Variants in BLNK observed in about 807,000 individuals in gnomAD.
The protein encoded by BLNK is B cell linker, also known as B-cell linker protein.
Under a neutral mutation model 73.5 loss-of-function variants are expected in BLNK, and 29 were observed. The ratio of observed to expected loss-of-function variants is 0.39; its 90% CI spans 0.29 to 0.54. The LOEUF (loss-of-function observed/expected upper bound fraction) is 0.54, where lower values mean the gene tolerates loss of function less well. Among genes scored for constraint, BLNK ranks in the 20% least tolerant of loss-of-function variants. The pLI is 0.61. For missense variants in BLNK, 460 were observed against 562.8 expected (o/e 0.82, Z 1.85); for synonymous variants, 176 against 200.8 (o/e 0.88, Z 1.04).
rs2083298251 is a variant in BLNK, at chr10:96,189,687, CTCA to C, written c.*2283_*2285del. ...TCAATGGTGCTTTTTCTTCAGTTTC[CTCA>C]TCATCAAAATCATCATCATCATCAT... is the stretch of plus-strand genomic sequence containing the variant. On this transcript the variant is annotated 3_prime_UTR_variant, in exon 17 of 17. Coordinates refer to ENST00000224337, the MANE Select transcript of BLNK (RefSeq NM_013314.4). 1.4e-6 allele frequency: 1 copy of C among 713,176 alleles called. No homozygotes were observed. Among genetic ancestry groups the C allele is most frequent in the Non-Finnish European group, 2.6e-6 (1 of 388,882 alleles). 44.2% of individuals were successfully genotyped at this position (713,176 alleles called of 1,614,324 possible).
intron 12 of BLNK, 99 bp downstream of exon 12, chr10:96,204,433 C>T: frequency 7.6e-7 from 1 of 1,309,110 alleles, no homozygotes; most frequent in Admixed American, 1.7e-5. Context: ...GGATTTTTAC[C>T]TAGCACTGCA....
At chr10:96,230,763 T>A in intron 4 of BLNK, 31 bp downstream of exon 4, 1 of 1,600,528 alleles carries the variant, frequency 6.2e-7, no homozygotes, top group East Asian at 2.2e-5. Flanking sequence ...GGGACCCTGA[T>A]GCCCTCCTGG....
At chr10:96,254,731 G>A (rs573428882) in intron 1 of BLNK, among the ~76,000 whole-genome samples, 2 of 151,964 alleles carry the variant, frequency 1.3e-5, no homozygotes, top group East Asian at 1.9e-4. Context: ...GGCTGGTCTC[G>A]AACTTCTGAC....
intron 16 of BLNK, among the ~76,000 whole-genome samples, chr10:96,194,741 A>C (rs951008645): frequency 2.6e-5 from 4 of 151,498 alleles, no homozygotes; most frequent in African/African-American, 9.7e-5. Context: ...AAAATGTTCA[A>C]CATCACTAAT....
At chr10:96,220,205 A>G (rs2084163652) in intron 6 of BLNK, among the ~76,000 whole-genome samples, 2 of 152,060 alleles carry the variant, frequency 1.3e-5, no homozygotes, top group South Asian at 4.2e-4. Flanking sequence ...TGCAAGAGAG[A>G]GAGAGATGCT....
intron 1 of BLNK, among the ~76,000 whole-genome samples, chr10:96,256,577 T>C (rs546439317): frequency 1.3e-5 from 2 of 151,748 alleles, no homozygotes; most frequent in Non-Finnish European, 2.9e-5. Context: ...AATTGAAAAC[T>C]GACAATAAGA....
chr10:96,210,206 G>T (rs782152424), intron 8 of BLNK: 10 of 423,586 alleles, frequency 2.4e-5, no homozygotes, highest in African/African-American at 4.1e-5. Flanking sequence ...CAAGTCCTGA[G>T]CCCACTGATT....
rs17111469 is a variant in BLNK, at chr10:96,227,501, C to T, written c.270G>A (p.Glu90=). The T allele has an allele frequency of 6.2e-4, 993 of 1,614,240 alleles. 4 individuals are homozygous for T. The African/African-American group carries it at 0.012, about 19-fold the overall frequency. The change falls in exon 5 of 17, where the codon GAG becomes GAA. Residue 90 remains glutamate (E), a synonymous_variant. Transcript: ENST00000224337. ...DSEMYVMPAE[E]NADDSYEPPP... ...GCGGCTCGTAGCTGTCATCAGCGTTCTCCTCGGCGGGCATCACGTACATCT... is the reference window on the plus strand; with the variant it reads ...GCGGCTCGTAGCTGTCATCAGCGTTTTCCTCGGCGGGCATCACGTACATCT...
intron 3 of BLNK, among the ~76,000 whole-genome samples, chr10:96,232,130 C>T (rs1554904122): frequency 6.6e-6 from 1 of 152,192 alleles, no homozygotes; most frequent in African/African-American, 2.4e-5. Context: ...ATTCACTCTG[C>T]TGTGTAGGAA....
intron 6 of BLNK, among the ~76,000 whole-genome samples, chr10:96,222,864 C>G (rs1294822368): frequency 1.3e-5 from 2 of 152,152 alleles, no homozygotes; most frequent in Non-Finnish European, 2.9e-5. Flanking sequence ...AATAGCTAGT[C>G]AGGCATGAGC....
intron 1 of BLNK, among the ~76,000 whole-genome samples, chr10:96,253,751 C>T (rs1375003279): frequency 2.6e-5 from 4 of 151,996 alleles, no homozygotes; most frequent in Non-Finnish European, 5.9e-5. Flanking sequence ...TGCGATGGCT[C>T]ACGCCTGTAA....
intron 5 of BLNK, 106 bp downstream of exon 5, chr10:96,227,304 A>G: frequency 6.9e-7 from 1 of 1,455,268 alleles, no homozygotes; most frequent in Admixed American, 2.0e-5. Flanking sequence ...CGGCTGGCAG[A>G]GGCCCTCAAG....
intron 6 of BLNK, among the ~76,000 whole-genome samples, chr10:96,217,513 A>C (rs2134004405): frequency 6.6e-6 from 1 of 152,306 alleles, no homozygotes; most frequent in Middle Eastern, 3.4e-3. Context: ...GTGTGTGCAA[A>C]ATGATATCTC....
In BLNK at chr10:96,216,664, G is replaced by C. The variant is rs781980711; in HGVS notation, c.596C>G (p.Pro199Arg). The C allele has an allele frequency of 1.1e-5, 17 of 1,613,850 alleles. No homozygotes were observed. The Admixed American group carries it at 1.7e-4, about 16-fold the overall frequency. Residue 199 changes from proline to arginine, a missense_variant, in exon 7 of 17, where the codon CCA (proline) becomes CGA (arginine). By Grantham distance (103) the Pro-to-Arg change is moderately radical. This residue lies in a region of BLNK where 233 missense variants were observed against 232.1 expected (regional missense o/e 1.00). Transcript: ENST00000224337. ...YIHPTESSSP[P>R]PEKAPMVNRS... is the part of the protein sequence containing the mutation. ...CGACAAACTCTTACCTTTTTCAGGT[G>C]GAGGTGAACTGCTTTCTGTGGGATG...
At chr10:96,217,223 G>C (rs1303241998) in intron 6 of BLNK, among the ~76,000 whole-genome samples, 2 of 152,172 alleles carry the variant, frequency 1.3e-5, no homozygotes, top group Admixed American at 1.3e-4. Flanking sequence ...TCAGCTGATG[G>C]ACATTTGAGT....
intron 13 of BLNK, chr10:96,203,599 T>A (rs2133961592): frequency 6.5e-6 from 1 of 153,146 alleles, no homozygotes; most frequent in Admixed American, 6.5e-5. Flanking sequence ...GGAAAAATTA[T>A]CCAGATATTT....
chr10:96,263,630 G>A (rs1314081736), intron 1 of BLNK, among the ~76,000 whole-genome samples: 1 of 152,216 alleles, frequency 6.6e-6, no homozygotes, highest in African/African-American at 2.4e-5. Context: ...GGGAGGTGAA[G>A]GCAGGACAGG....
intron 1 of BLNK, among the ~76,000 whole-genome samples, chr10:96,251,279 C>T (rs559382990): frequency 5.9e-5 from 9 of 152,332 alleles, no homozygotes; most frequent in South Asian, 2.1e-4. Context: ...CAACTGTCCA[C>T]GCATCTGGTG....
intron 6 of BLNK, among the ~76,000 whole-genome samples, chr10:96,218,168 C>G (rs1554900255): frequency 2.6e-5 from 4 of 152,182 alleles, no homozygotes; most frequent in Non-Finnish European, 1.5e-5. Context: ...GTAACCAGAT[C>G]TCAAAACTGG....
Sources: allele counts gnomAD v4.1 joint callset (sites outside exome capture counted in the v4.1 genomes callset), GRCh38; gene constraint gnomAD v4.1.1; regional missense constraint gnomAD v4.1.1; transcripts MANE v1.5; gene names NCBI Gene and HGNC (gene_info 2026-07-23, HGNC 2026-07-21).